The following RYR2 variants were observed in gnomAD, a reference collection of about 807,000 sequenced individuals.
RYR2 encodes the protein ryanodine receptor 2, also known as cardiac muscle ryanodine receptor-calcium release channel.
A neutral mutation model predicts 601.1 loss-of-function variants in RYR2; 227 were observed. The observed-to-expected ratio is 0.38, with a 90% confidence interval of 0.34 to 0.42. RYR2 has a LOEUF of 0.42. Among genes scored for constraint, RYR2 ranks in the 10% least tolerant of loss-of-function variants. The pLI is 1.00. For missense variants in RYR2, 4,646 were observed against 6,156.5 expected (o/e 0.75, Z 8.21); for synonymous variants, 2,223 against 2,175.1 (o/e 1.02, Z -0.61).
At position 237,710,640 on chromosome 1, in the gene RYR2, C is replaced by T. The variant is rs1286943825; in HGVS notation, c.10230+1073C>T. ...ATGTTTGGGGGATGCAATAGATCAT[C>T]CAAGGTATTCTGAAGGAAAATTCAA... On this transcript the variant is annotated intron_variant, in intron 70 of 104. Transcript: ENST00000366574. Among the ~76,000 whole-genome samples the T allele has an allele frequency of 1.3e-5, 2 of 149,496 alleles. 1 individual carries two copies. The highest frequency in any genetic ancestry group is 3.9e-4 in the East Asian group (2 of 5,160).
intron 10 of RYR2, among the ~76,000 whole-genome samples, chr1:237,392,664 C>T (rs1702481649): frequency 6.6e-6 from 1 of 151,542 alleles, no homozygotes; most frequent in African/African-American, 2.4e-5. Flanking sequence ...CCTTTATGTG[C>T]ACATAGACTT....
chr1:237,649,994 C>T lies in RYR2; in HGVS notation c.7630C>T (p.Leu2544Phe). Residue 2544 changes from leucine to phenylalanine, a missense_variant, in exon 50 of 105, where the codon CTC becomes TTC. Physicochemically the swap from Leu to Phe is conservative, Grantham distance 22. Coordinates refer to ENST00000366574, the MANE Select transcript of RYR2 (RefSeq NM_001035.3). ...LFAGTEHHAS[L>F]IDSLLHTVYR... ...TGCTGGCACAGAGCACCACGCTTCT[C>T]TCATTGACTCATTACTTCATACTGT... 6.2e-7 allele frequency: 1 copy of T among 1,614,012 alleles called. No individual in the cohort carries two copies. Among genetic ancestry groups the T allele is most frequent in the South Asian group, 1.1e-5 (1 of 91,082 alleles).
intron 10 of RYR2, among the ~76,000 whole-genome samples, chr1:237,409,382 T>G (rs1704218023): frequency 6.6e-6 from 1 of 152,118 alleles, no homozygotes; most frequent in African/African-American, 2.4e-5. Flanking sequence ...ACACTGGATT[T>G]TGTCAAATAC....
At chr1:237,671,526 T>C (rs1042825827) in intron 58 of RYR2, among the ~76,000 whole-genome samples, 2 of 151,554 alleles carry the variant, frequency 1.3e-5, no homozygotes, top group African/African-American at 4.9e-5. Context: ...TGTGCGTGTG[T>C]GTGTGTGTGT....
chr1:237,562,917 G>C (rs1671600975), intron 27 of RYR2, among the ~76,000 whole-genome samples: 5 of 152,110 alleles, frequency 3.3e-5, no homozygotes. Flanking sequence ...GGTATATATG[G>C]AGCACTTACT....
intron 60 of RYR2, among the ~76,000 whole-genome samples, chr1:237,675,386 T>C (rs755564607): frequency 3.3e-5 from 5 of 152,138 alleles, no homozygotes; most frequent in Admixed American, 6.5e-5. Flanking sequence ...CTTTAAGTCT[T>C]AGATTCAGCA....
At chr1:237,402,230 C>CAAAAAA (rs5781953) in intron 10 of RYR2, among the ~76,000 whole-genome samples, 1 of 144,326 alleles carries the variant, frequency 6.9e-6, no homozygotes, top group Non-Finnish European at 1.5e-5. Flanking sequence ...CTTGTCTCTA[C>CAAAAAA]AAAAAAAAAA....
chr1:237,621,330 C>T (rs1679053040), intron 38 of RYR2, among the ~76,000 whole-genome samples: 1 of 152,066 alleles, frequency 6.6e-6, no homozygotes, highest in South Asian at 2.1e-4. Flanking sequence ...GATCAATAAC[C>T]TGACCTGCCA....
rs539438201 is a variant in RYR2, at chr1:237,602,336, G to C, written c.4683+225G>C. ...TCATATGTATATTATTCAATAAAAG[G>C]CCTATAGAAAAAAAAATGCCGAGAT... is the stretch of plus-strand genomic sequence containing the variant. On this transcript the variant is annotated intron_variant, in intron 35 of 104. Transcript: ENST00000366574. Among the ~76,000 whole-genome samples the C allele has an allele frequency of 2.0e-5, 3 of 151,186 alleles. No individual in the cohort carries two copies. The South Asian group carries it at 6.3e-4, about 32-fold the overall frequency.
chr1:237,531,563 C>T (rs1668141533), intron 25 of RYR2, among the ~76,000 whole-genome samples: 1 of 152,114 alleles, frequency 6.6e-6, no homozygotes, highest in Admixed American at 6.6e-5. Flanking sequence ...TCACCTCAGG[C>T]CTCATGTTAC....
At chr1:237,424,331 A>C (rs1324442270) in intron 12 of RYR2, among the ~76,000 whole-genome samples, 1 of 152,222 alleles carries the variant, frequency 6.6e-6, no homozygotes, top group Non-Finnish European at 1.5e-5. Context: ...TTCTGCAATT[A>C]CTACATACTC....
At chr1:237,309,914 A>ACTCCGAGTGCGGGACC (rs1486527107) in intron 2 of RYR2, among the ~76,000 whole-genome samples, 3 of 151,996 alleles carry the variant, frequency 2.0e-5, no homozygotes, top group Non-Finnish European at 2.9e-5. Context: ...CCAGCCAGCC[A>ACTCCGAGTGCGGGACC]CTCCGAGTGC....
chr1:237,658,361 T>C (rs978413215), intron 54 of RYR2, among the ~76,000 whole-genome samples: 1 of 152,108 alleles, frequency 6.6e-6, no homozygotes, highest in Non-Finnish European at 1.5e-5. Context: ...GGGTTCAGAA[T>C]TCACCTTTTA....
Position 237,792,253 on chromosome 1 carries a change from C to A in RYR2, c.13712C>A (p.Thr4571Lys). 1 of 1,613,708 alleles carries A rather than the reference C, an allele frequency of 6.2e-7. No individual in the cohort carries two copies. The highest frequency in any genetic ancestry group is 1.1e-5 in the South Asian group (1 of 91,068). Residue 4571 changes from threonine to lysine, a missense_variant, in exon 94 of 105, where the codon ACG (threonine) becomes AAG (lysine). Physicochemically the swap from Thr to Lys is moderately conservative, Grantham distance 78. Coordinates refer to ENST00000366574, the MANE Select transcript of RYR2 (RefSeq NM_001035.3). ...GAGAGCAGCGGCTACATGGAGCCCACGTTGCGTATCTTAGCTATTCTGCAC... is the reference window on the plus strand; with the variant it reads ...GAGAGCAGCGGCTACATGGAGCCCAAGTTGCGTATCTTAGCTATTCTGCAC... ...LEESSGYMEPTLRILAILHTV... is the reference protein window; with the variant it reads ...LEESSGYMEPKLRILAILHTV...
intron 16 of RYR2, among the ~76,000 whole-genome samples, chr1:237,462,563 G>A (rs1659601889): frequency 6.6e-6 from 1 of 152,128 alleles, no homozygotes; most frequent in South Asian, 2.1e-4. Context: ...ACTTTCCTAT[G>A]AATACTCATT....
At chr1:237,065,341 G>A (rs906907441) in intron 1 of RYR2, among the ~76,000 whole-genome samples, 58 of 147,494 alleles carry the variant, frequency 3.9e-4, no homozygotes, top group East Asian at 1.6e-3. Flanking sequence ...GTGCAATGGC[G>A]TGATCTTGGC....
intron 5 of RYR2, among the ~76,000 whole-genome samples, chr1:237,365,029 A>G (rs1004246758): frequency 6.6e-6 from 1 of 152,244 alleles, no homozygotes; most frequent in African/African-American, 2.4e-5. Context: ...AGGGACAGAC[A>G]GGAAGAGTAG....
At chr1:237,566,860 C>A in intron 28 of RYR2, 85 bp downstream of exon 28, 2 of 1,336,104 alleles carry the variant, frequency 1.5e-6, no homozygotes, top group Non-Finnish European at 2.1e-6. Context: ...CTTCACAGTA[C>A]CAGTGTTTCC....
At chr1:237,540,817 A>G (rs1432003327) in intron 25 of RYR2, among the ~76,000 whole-genome samples, 1 of 152,026 alleles carries the variant, frequency 6.6e-6, no homozygotes, top group African/African-American at 2.4e-5. Context: ...AATGCTGTGA[A>G]GCTACTACAT....
Sources: allele counts gnomAD v4.1 joint callset (sites outside exome capture counted in the v4.1 genomes callset), GRCh38; gene constraint gnomAD v4.1.1; transcripts MANE v1.5; gene names NCBI Gene and HGNC (gene_info 2026-07-23, HGNC 2026-07-21).